TMEM178B: variants seen among roughly 807,000 people sequenced by gnomAD.
TMEM178B encodes transmembrane protein 178B.
A neutral mutation model predicts 31.0 loss-of-function variants in TMEM178B; 5 were observed. The ratio of observed to expected loss-of-function variants is 0.16; its 90% CI spans 0.08 to 0.34. The LOEUF is 0.34. Ranked by LOEUF, TMEM178B falls within the 10% of genes least tolerant of loss-of-function variation. The pLI is 1.00. For synonymous variants in TMEM178B, 164 were observed against 164.0 expected, an observed-to-expected ratio of 1.00 and a Z score of 0.00; for missense variants, 275 against 400.3, an observed-to-expected ratio of 0.69 and a Z score of 2.67.
chr7:141,496,732 A>G, the TMEM178B span, among the ~76,000 whole-genome samples: 2 of 151,164 alleles, frequency 1.3e-5, no homozygotes, highest in East Asian at 3.9e-4. Flanking sequence ...CAGAGGAATC[A>G]TTTTAAAATC....
chr7:141,162,073 G>T (rs1194318309), intron 1 of TMEM178B, among the ~76,000 whole-genome samples: 1 of 152,156 alleles, frequency 6.6e-6, no homozygotes, highest in Non-Finnish European at 1.5e-5. Flanking sequence ...CCACAGTCAG[G>T]TGCCAATAAC....
At chr7:141,225,662 A>G (rs1797330591) in intron 2 of TMEM178B, among the ~76,000 whole-genome samples, 1 of 152,188 alleles carries the variant, frequency 6.6e-6, no homozygotes, top group Admixed American at 6.5e-5. Context: ...TTTGCCTCTG[A>G]ATGGGCTTGC....
At chr7:141,482,390 GGAT>G (rs1471708273), downstream of TMEM178B, among the ~76,000 whole-genome samples, 2 of 152,196 alleles carry the variant, frequency 1.3e-5, no homozygotes, top group African/African-American at 4.8e-5. Context: ...TAGCACCTCT[GGAT>G]GAAAGTATTG....
In TMEM178B at chr7:141,195,299, G is replaced by C. The variant is rs939992993; in HGVS notation, c.383-17292G>C. Among the ~76,000 whole-genome samples the C allele has an allele frequency of 3.3e-5, 5 of 152,200 alleles. No individual in the cohort carries two copies. The East Asian group carries it at 9.6e-4, about 29-fold the overall frequency. The stretch of plus-strand genomic sequence containing the variant: ...TTCCTCATAAAACTGAATGCCTTTA[G>C]CAGTACCCAAGTCACCTCTTGAATG... On this transcript the variant is annotated intron_variant, in intron 1 of 3. Coordinates refer to ENST00000565468, the MANE Select transcript of TMEM178B (RefSeq NM_001195278.2).
chr7:141,510,760 T>G, the TMEM178B span, among the ~76,000 whole-genome samples: 1 of 131,080 alleles, frequency 7.6e-6, no homozygotes, highest in Admixed American at 8.2e-5. Context: ...TCCAGGCAAC[T>G]CAGGCAACCC....
At chr7:141,351,028 T>C (rs1232457563) in intron 2 of TMEM178B, among the ~76,000 whole-genome samples, 1 of 152,202 alleles carries the variant, frequency 6.6e-6, no homozygotes. Flanking sequence ...ATATGGATGA[T>C]GGATGGAGTG....
At chr7:141,430,059 T>C (rs1181734) in intron 2 of TMEM178B, 88,469 of 152,146 alleles carry the variant, frequency 0.58, 26,548 homozygotes, top group African/African-American at 0.73. Context: ...TAGCCACAGG[T>C]GCCTCTGCTA....
chr7:141,498,655 G>A, the TMEM178B span, among the ~76,000 whole-genome samples: 2 of 152,236 alleles, frequency 1.3e-5, no homozygotes, highest in Non-Finnish European at 2.9e-5. Context: ...GACAAAGTCT[G>A]TTCCACTGCC....
At chr7:141,081,040 G>A (rs1043573060) in intron 1 of TMEM178B, among the ~76,000 whole-genome samples, 2 of 152,156 alleles carry the variant, frequency 1.3e-5, no homozygotes. Context: ...CATTGTTTTA[G>A]AGTGTACTCC....
chr7:141,211,124 A>C (rs1001940871), intron 1 of TMEM178B, among the ~76,000 whole-genome samples: 4 of 152,136 alleles, frequency 2.6e-5, no homozygotes, highest in Non-Finnish European at 5.9e-5. Flanking sequence ...TTAAGGAAGG[A>C]GGATGACAGG....
intron 1 of TMEM178B, among the ~76,000 whole-genome samples, chr7:141,187,088 C>G (rs1796621327): frequency 9.8e-6 from 1 of 101,566 alleles, no homozygotes; most frequent in African/African-American, 3.9e-5. Context: ...CTATCCCTCC[C>G]CCCTCCCCCC....
intron 1 of TMEM178B, among the ~76,000 whole-genome samples, chr7:141,095,220 G>A (rs779582916): frequency 6.6e-6 from 1 of 152,178 alleles, no homozygotes; most frequent in Non-Finnish European, 1.5e-5. Context: ...AATAACAGGT[G>A]CAAGTTAGTG....
intron 1 of TMEM178B, among the ~76,000 whole-genome samples, chr7:141,142,240 A>G (rs1795782443): frequency 6.6e-6 from 1 of 152,098 alleles, no homozygotes. Flanking sequence ...CAGCTTTTTC[A>G]TGGCTGCATA....
chr7:141,437,058 T>C (rs1801558403), intron 2 of TMEM178B, among the ~76,000 whole-genome samples: 1 of 152,120 alleles, frequency 6.6e-6, no homozygotes, highest in East Asian at 1.9e-4. Flanking sequence ...CCCCATGCTG[T>C]TAGCTTTCCC....
At chr7:141,207,542 G>T (rs144762573) in intron 1 of TMEM178B, among the ~76,000 whole-genome samples, 179 of 152,340 alleles carry the variant, frequency 1.2e-3, no homozygotes, top group Non-Finnish European at 2.0e-3. Context: ...GATGATTAGT[G>T]ATGTTGGGCA....
intron 2 of TMEM178B, among the ~76,000 whole-genome samples, chr7:141,234,089 A>G (rs1271433215): frequency 6.6e-6 from 1 of 151,992 alleles, no homozygotes; most frequent in South Asian, 2.1e-4. Flanking sequence ...GAAGGTGACT[A>G]CTCTCTTTTG....
chr7:141,370,454 T>C (rs2116567612), intron 2 of TMEM178B, among the ~76,000 whole-genome samples: 1 of 152,338 alleles, frequency 6.6e-6, no homozygotes, highest in South Asian at 2.1e-4. Flanking sequence ...AAAGAGCTTT[T>C]AATCCAGCAA....
At chr7:141,226,720 A>G (rs545966239) in intron 2 of TMEM178B, among the ~76,000 whole-genome samples, 3 of 152,110 alleles carry the variant, frequency 2.0e-5, no homozygotes, top group South Asian at 4.2e-4. Context: ...TTAGCCGGGC[A>G]TGGTGGTGCA....
intron 3 of TMEM178B, among the ~76,000 whole-genome samples, chr7:141,441,525 G>A (rs1290715452): frequency 2.0e-5 from 3 of 152,174 alleles, no homozygotes; most frequent in African/African-American, 4.8e-5. Context: ...ACCGAGCACC[G>A]ACAGGAGCCT....
Sources: gnomAD v4.1 joint callset for allele counts (sites outside exome capture counted in the v4.1 genomes callset) on GRCh38, gnomAD v4.1.1 for gene constraint, MANE v1.5 for transcripts, NCBI Gene and HGNC (gene_info 2026-07-23, HGNC 2026-07-21) for gene names.